ECI2: variants seen among roughly 807,000 people sequenced by gnomAD.
The protein encoded by ECI2 is D3,D2-enoyl-CoA isomerase.
A neutral mutation model predicts 38.4 loss-of-function variants in ECI2; 27 were observed. The ratio of observed to expected loss-of-function variants is 0.70; its 90% CI spans 0.52 to 0.97. ECI2 has a LOEUF of 0.97. Ranked by LOEUF, ECI2 falls within the 50% of genes least tolerant of loss-of-function variation. The pLI is 0.00. For missense variants in ECI2, 470 were observed against 474.4 expected (o/e 0.99, Z 0.09); for synonymous variants, 168 against 172.0 (o/e 0.98, Z 0.18).
Position 4,116,969 on chromosome 6 carries a change from T to C in ECI2, c.1029+339A>G, listed in dbSNP as rs943781607. On this transcript the variant is annotated intron_variant, in intron 9 of 9. Coordinates refer to ENST00000380118, the MANE Select transcript of ECI2 (RefSeq NM_206836.3). The stretch of plus-strand genomic sequence containing the variant: ...ACCACATACAAAAACAAAAGTGCTA[T>C]ACAATAAGACTCTCAAAGTAGCTAA... 3.9e-5 allele frequency among the ~76,000 whole-genome samples: 6 copies of C among 152,194 alleles called. No homozygotes were observed. In the South Asian group the frequency reaches 1.2e-3, roughly 32 times the overall value.
chr6:4,126,623 G>C (rs1773177071), intron 5 of ECI2, among the ~76,000 whole-genome samples: 1 of 152,142 alleles, frequency 6.6e-6, no homozygotes, highest in South Asian at 2.1e-4. Context: ...CTGTGCAAAG[G>C]CTCTTTGGAG....
At chr6:4,131,875 CAAAAGAAAAA>C (rs1561659681) in intron 2 of ECI2, among the ~76,000 whole-genome samples, 1 of 151,154 alleles carries the variant, frequency 6.6e-6, no homozygotes, top group African/African-American at 2.4e-5. Context: ...AAAATAAAAA[CAAAAGAAAAA>C]AGAAAAAAGA....
chr6:4,120,736 T>C (rs1433155132), intron 7 of ECI2, among the ~76,000 whole-genome samples: 1 of 151,442 alleles, frequency 6.6e-6, no homozygotes, highest in East Asian at 1.9e-4. Flanking sequence ...AGAAAAGGTA[T>C]AGTAAGATAT....
intron 6 of ECI2, 124 bp from the exon 7 acceptor site, chr6:4,125,494 GC>G: frequency 7.3e-7 from 1 of 1,378,958 alleles, no homozygotes; most frequent in Non-Finnish European, 9.9e-7. Flanking sequence ...GCCACCACCA[GC>G]AGTGCCTCCT....
intron 1 of ECI2, among the ~76,000 whole-genome samples, chr6:4,134,286 C>T (rs1375398452): frequency 6.6e-6 from 1 of 152,164 alleles, no homozygotes; most frequent in African/African-American, 2.4e-5. Flanking sequence ...GAGCCACAGC[C>T]TTCTCAGCAG....
chr6:4,135,150 G>T, intron 1 of ECI2: 1 of 552,788 alleles, frequency 1.8e-6, no homozygotes, highest in Non-Finnish European at 3.4e-6. Flanking sequence ...CACCCCAGAA[G>T]CAGCCCGGCT....
rs1325066218 is a variant in ECI2, at chr6:4,135,496, G to A, written c.50+15C>T. ...CGGGCGACCATGGGCCGAACGGCCG[G>A]GACTCCAAGCTTACCTCGGACACGA... On this transcript the variant is annotated intron_variant, in intron 1 of 9. Transcript: ENST00000380118. 1 of 1,612,198 alleles carries A rather than the reference G, an allele frequency of 6.2e-7. No homozygotes were observed. The highest frequency in any genetic ancestry group is 8.5e-7 in the Non-Finnish European group (1 of 1,179,632).
In ECI2 at chr6:4,124,180, C is replaced by T. The variant is rs1176589444; in HGVS notation, c.795+1070G>A. ...CTGTGAACAAAGACATTGATTTCTG[C>T]CTTTGAACAGAAACCTCTACCTACA... On this transcript the variant is annotated intron_variant, in intron 7 of 9. Coordinates refer to ENST00000380118, the MANE Select transcript of ECI2 (RefSeq NM_206836.3). 2.6e-5 allele frequency among the ~76,000 whole-genome samples: 4 copies of T among 152,176 alleles called. No individual in the cohort carries two copies. In the East Asian group the frequency reaches 7.7e-4, roughly 29 times the overall value.
At position 4,119,218 on chromosome 6, in the gene ECI2, A is replaced by G; in HGVS notation, c.853T>C (p.Tyr285His). 6.2e-7 allele frequency: 1 copy of G among 1,613,928 alleles called. No individual in the cohort carries two copies. Among genetic ancestry groups the G allele is most frequent in the South Asian group, 1.1e-5 (1 of 91,066 alleles). ...GGGCTCATTATCTTCGGAAAAGTGT[A>G]AGAGGAGCATCCTTCCGGACTTTGG... ...LGQSPEGCSSYTFPKIMSPAK... is the reference protein window; with the variant it reads ...LGQSPEGCSSHTFPKIMSPAK... The change falls in exon 8 of 10, where the codon TAC becomes CAC. Residue 285 changes from tyrosine to histidine, a missense_variant. By Grantham distance (83) the Tyr-to-His change is moderately conservative (BLOSUM62 2). Coordinates refer to ENST00000380118, the MANE Select transcript of ECI2 (RefSeq NM_206836.3).
intron 7 of ECI2, among the ~76,000 whole-genome samples, chr6:4,120,353 C>G (rs1772629882): frequency 6.6e-6 from 1 of 152,182 alleles, no homozygotes; most frequent in Non-Finnish European, 1.5e-5. Context: ...TCCAGGCTAC[C>G]AACTTGGACA....
At chr6:4,127,709 A>G (rs1311097213) in intron 5 of ECI2, 53 bp downstream of exon 5, 6 of 1,568,660 alleles carry the variant, frequency 3.8e-6, no homozygotes, top group Middle Eastern at 1.7e-4. Context: ...CCTATCTATT[A>G]AGAGGCCCCT....
At chr6:4,126,540 T>C (rs1404586674) in intron 5 of ECI2, among the ~76,000 whole-genome samples, 3 of 152,134 alleles carry the variant, frequency 2.0e-5, no homozygotes, top group African/African-American at 7.2e-5. Context: ...GACAACTGAA[T>C]TGAGATCTGA....
intron 7 of ECI2, among the ~76,000 whole-genome samples, chr6:4,119,947 A>C (rs9328220): frequency 0.3 from 45,683 of 150,936 alleles, 7,004 homozygotes; most frequent in East Asian, 0.36. Context: ...ATTCTGTAGC[A>C]TTTTGAGTCT....
chr6:4,125,130 C>T (rs1012081815), intron 7 of ECI2, 120 bp downstream of exon 7: 26 of 1,476,372 alleles, frequency 1.8e-5, no homozygotes, highest in South Asian at 2.5e-5. Context: ...AATCTAAATT[C>T]AGTTAATTCT....
At chr6:4,134,626 G>A (rs1773643598) in intron 1 of ECI2, among the ~76,000 whole-genome samples, 1 of 152,136 alleles carries the variant, frequency 6.6e-6, no homozygotes, top group South Asian at 2.1e-4. Context: ...CGAAAATGGT[G>A]CAATGAACTC....
At chr6:4,129,963 T>C (rs1773415819) in intron 4 of ECI2, among the ~76,000 whole-genome samples, 1 of 152,124 alleles carries the variant, frequency 6.6e-6, no homozygotes, top group Admixed American at 6.6e-5. Flanking sequence ...CTTCTCTCCT[T>C]TCTCCCTATA....
In ECI2 at chr6:4,119,272, T is replaced by C. The variant is rs543679476; in HGVS notation, c.799A>G (p.Thr267Ala). The change falls in exon 8 of 10, where the codon ACA (threonine) becomes GCA (alanine). Residue 267 changes from threonine (T) to alanine (A), a missense_variant. Coordinates refer to ENST00000380118, the MANE Select transcript of ECI2 (RefSeq NM_206836.3). The stretch of plus-strand genomic sequence containing the variant: ...AGGTGACTAAATGGTGTATGAAATG[T>C]TGCCTGCAGAGGCAGGAGAGAAAAG... ...FDAVYASDRA[T>A]FHTPFSHLGQ... 5.0e-6 allele frequency: 8 copies of C among 1,609,650 alleles called. No individual in the cohort carries two copies. In the South Asian group the frequency reaches 8.9e-5, roughly 18 times the overall value.
intron 5 of ECI2, among the ~76,000 whole-genome samples, chr6:4,127,403 CCTTT>C (rs1773235512): frequency 8.4e-6 from 1 of 119,376 alleles, no homozygotes; most frequent in Non-Finnish European, 1.6e-5. Flanking sequence ...GATCTTAGAG[CCTTT>C]TTTTTTTTTT....
chr6:4,130,670 A>G lies in ECI2; in HGVS notation c.312+97T>C, dbSNP rs764741826. The G allele has an allele frequency of 1.9e-6, 3 of 1,602,256 alleles. No homozygotes were observed. In the Admixed American group the frequency reaches 5.0e-5, roughly 27 times the overall value. On this transcript the variant is annotated intron_variant, in intron 3 of 9. Coordinates refer to ENST00000380118, the MANE Select transcript of ECI2 (RefSeq NM_206836.3). The stretch of plus-strand genomic sequence containing the variant: ...TGCAATGAAGAAAGAATAGAAGCAC[A>G]TCAAGATCTTGAAGACTCCATTTAC...
Sources: gnomAD v4.1 joint callset for allele counts (sites outside exome capture counted in the v4.1 genomes callset) on GRCh38, gnomAD v4.1.1 for gene constraint, MANE v1.5 for transcripts, NCBI Gene and HGNC (gene_info 2026-07-23, HGNC 2026-07-21) for gene names.